Variants in CUEDC1 observed in about 807,000 individuals in gnomAD.
CUEDC1 encodes CUE domain-containing protein 1.
In CUEDC1, 30 loss-of-function variants were observed where a neutral mutation model predicts 43.7. The ratio of observed to expected loss-of-function variants is 0.69; its 90% CI spans 0.51 to 0.93. The LOEUF is 0.93. Ranked by LOEUF, CUEDC1 falls within the 40% of genes least tolerant of loss-of-function variation. The pLI is 0.00. For missense variants in CUEDC1, 486 were observed against 549.0 expected (o/e 0.89, Z 1.15); for synonymous variants, 223 against 223.6 (o/e 1.00, Z 0.02).
At chr17:57,865,454 C>T (rs2073943462) in intron 10 of CUEDC1, among the ~76,000 whole-genome samples, 1 of 152,158 alleles carries the variant, frequency 6.6e-6, no homozygotes, top group Non-Finnish European at 1.5e-5. Flanking sequence ...TCGTCTGACA[C>T]AGGGCCATAC....
intron 1 of CUEDC1, among the ~76,000 whole-genome samples, chr17:57,919,171 G>T (rs115900452): frequency 0.058 from 8,742 of 151,770 alleles, 372 homozygotes; most frequent in African/African-American, 0.11. Context: ...CAATTTTTAT[G>T]TTTTCTTAAT....
At chr17:57,912,282 A>G (rs1412225253) in intron 1 of CUEDC1, 1 of 152,266 alleles carries the variant, frequency 6.6e-6, no homozygotes, top group Non-Finnish European at 1.5e-5. Flanking sequence ...TCCCCAGCTA[A>G]GCCACCCTGG....
At chr17:57,865,611 G>A (rs560405677) in intron 10 of CUEDC1, among the ~76,000 whole-genome samples, 1 of 152,126 alleles carries the variant, frequency 6.6e-6, no homozygotes, top group African/African-American at 2.4e-5. Flanking sequence ...CCTGGAGGAG[G>A]CCTTGGTATT....
intron 2 of CUEDC1, among the ~76,000 whole-genome samples, chr17:57,881,177 T>TAC (rs148985762): frequency 1.3e-5 from 2 of 152,118 alleles, no homozygotes; most frequent in Non-Finnish European, 1.5e-5. Flanking sequence ...TGAGCACACA[T>TAC]ACACACACAC....
At chr17:57,944,580 A>C (rs2074945137) in intron 1 of CUEDC1, among the ~76,000 whole-genome samples, 1 of 152,250 alleles carries the variant, frequency 6.6e-6, no homozygotes, top group African/African-American at 2.4e-5. Context: ...TATTTAACAT[A>C]TGTAGTCAAT....
At chr17:57,920,020 T>A (rs1311498228) in intron 1 of CUEDC1, among the ~76,000 whole-genome samples, 1 of 152,200 alleles carries the variant, frequency 6.6e-6, no homozygotes, top group Non-Finnish European at 1.5e-5. Context: ...CCCCGGCTCA[T>A]TTTGTTTTCA....
intron 1 of CUEDC1, among the ~76,000 whole-genome samples, chr17:57,934,284 C>G (rs1282055439): frequency 6.6e-6 from 1 of 151,850 alleles, no homozygotes; most frequent in African/African-American, 2.4e-5. Context: ...CCCAGCTACT[C>G]GGGAGGCTGA....
chr17:57,901,520 A>C (rs2074471957), intron 1 of CUEDC1, among the ~76,000 whole-genome samples: 1 of 152,198 alleles, frequency 6.6e-6, no homozygotes, highest in South Asian at 2.1e-4. Flanking sequence ...CCGTGAGCCA[A>C]CCAGGACTCT....
At chr17:57,933,892 G>C (rs952181282) in intron 1 of CUEDC1, among the ~76,000 whole-genome samples, 1 of 152,138 alleles carries the variant, frequency 6.6e-6, no homozygotes, top group Non-Finnish European at 1.5e-5. Context: ...CTGGGGACCT[G>C]GCTGAGAGAG....
rs2073960957 is a variant in CUEDC1 at position 57,866,512 on chromosome 17, G to A, written c.1126C>T (p.Pro376Ser). The part of the protein sequence containing the change: ...EDFRGRRQEA[P>S]KVEEGLREGQ ...TCTCGCAGGCCTTCCTCCACCTTGG[G>A]TGCCTCCTGACGCCTGCCCCGGAAG... is the stretch of plus-strand genomic sequence containing the variant. The change falls in exon 10 of 11, where the codon CCC becomes TCC. Residue 376 changes from proline (P) to serine (S), a missense_variant. Physicochemically the swap from Pro to Ser is moderately conservative, Grantham distance 74 (BLOSUM62 -1). Coordinates refer to ENST00000577830, the MANE Select transcript of CUEDC1 (RefSeq NM_001271875.2). 1 of 1,614,186 alleles carries A rather than the reference G, an allele frequency of 6.2e-7. No individual in the cohort carries two copies. Among genetic ancestry groups the A allele is most frequent in the Non-Finnish European group, 8.5e-7 (1 of 1,180,028 alleles).
At chr17:57,892,241 T>C (rs1237431569) in intron 1 of CUEDC1, among the ~76,000 whole-genome samples, 1 of 152,238 alleles carries the variant, frequency 6.6e-6, no homozygotes, top group East Asian at 1.9e-4. Context: ...ACAAGGGGTC[T>C]GAGGCCAAGG....
intron 1 of CUEDC1, among the ~76,000 whole-genome samples, chr17:57,911,577 A>G (rs1231913042): frequency 6.6e-6 from 1 of 152,070 alleles, no homozygotes; most frequent in Non-Finnish European, 1.5e-5. Context: ...ATCTCAGCTC[A>G]CTGCAATCTC....
intron 1 of CUEDC1, among the ~76,000 whole-genome samples, chr17:57,938,018 G>A (rs1181871033): frequency 6.6e-6 from 1 of 152,146 alleles, no homozygotes; most frequent in Non-Finnish European, 1.5e-5. Flanking sequence ...ATCTGCCTAA[G>A]TCACACAGAG....
At chr17:57,868,501 AGGC>A in intron 7 of CUEDC1, 1 of 519,514 alleles carries the variant, frequency 1.9e-6, no homozygotes, top group South Asian at 2.2e-5. Context: ...CAGGGACCGC[AGGC>A]GGCTCAAGAT....
chr17:57,898,497 T>C (rs1368419114), intron 1 of CUEDC1, among the ~76,000 whole-genome samples: 2 of 152,164 alleles, frequency 1.3e-5, no homozygotes, highest in African/African-American at 2.4e-5. Flanking sequence ...GCAAGCAGGA[T>C]TGCTCTGAGC....
chr17:57,908,042 C>T (rs9899609), intron 1 of CUEDC1, among the ~76,000 whole-genome samples: 15,742 of 151,914 alleles, frequency 0.1, 906 homozygotes, highest in South Asian at 0.13. Flanking sequence ...CACGCATGCC[C>T]ACGGGCCAGC....
intron 1 of CUEDC1, among the ~76,000 whole-genome samples, chr17:57,925,560 G>C (rs542322445): frequency 6.6e-6 from 1 of 152,186 alleles, no homozygotes; most frequent in Non-Finnish European, 1.5e-5. Context: ...CTCTGCCCCA[G>C]GCAAAGAGAC....
intron 3 of CUEDC1, among the ~76,000 whole-genome samples, chr17:57,874,367 C>G (rs1439707965): frequency 1.3e-5 from 2 of 152,194 alleles, no homozygotes; most frequent in Admixed American, 1.3e-4. Flanking sequence ...AGGCCGTGTC[C>G]TGAGCAATGT....
chr17:57,896,789 G>GTTT (rs2074415737), intron 1 of CUEDC1, among the ~76,000 whole-genome samples: 1 of 12,688 alleles, frequency 7.9e-5, no homozygotes, highest in Non-Finnish European at 1.7e-4. Context: ...TTTTTTTTTT[G>GTTT]AGATGGAGTC....
Sources: gnomAD v4.1 joint callset for allele counts (sites outside exome capture counted in the v4.1 genomes callset) on GRCh38, gnomAD v4.1.1 for gene constraint, MANE v1.5 for transcripts, NCBI Gene and HGNC (gene_info 2026-07-23, HGNC 2026-07-21) for gene names.